UTP4: variants seen among roughly 807,000 people sequenced by gnomAD.
UTP4 encodes UTP4 small subunit processome component.
Under a neutral mutation model 82.4 loss-of-function variants are expected in UTP4, and 45 were observed. The observed-to-expected ratio is 0.55, with a 90% CI of 0.43 to 0.70. The LOEUF (loss-of-function observed/expected upper bound fraction) is 0.70, where lower values mean the gene tolerates loss of function less well. Ranked by LOEUF, UTP4 falls within the 30% of genes least tolerant of loss-of-function variation. The pLI is 0.00. For missense variants in UTP4, 819 were observed against 858.3 expected, an observed-to-expected ratio of 0.95 and a Z score of 0.57; for synonymous variants, 348 against 300.3, an observed-to-expected ratio of 1.16 and a Z score of -1.64.
chr16:69,140,370 T>G lies in UTP4; in HGVS notation c.526+456T>G, dbSNP rs1041379098. ...TCATAGAATCCTTCATTGATAGGGT[T>G]GATCTCAACTTGTTAGGTGGACATG... On this transcript the variant is annotated intron_variant, in intron 5 of 16. Coordinates refer to ENST00000314423, the MANE Select transcript of UTP4 (RefSeq NM_032830.3). 4.7e-4 allele frequency among the ~76,000 whole-genome samples: 72 copies of G among 152,132 alleles called. 1 individual carries two copies. The highest frequency in any genetic ancestry group is 1.6e-3 in the African/African-American group (67 of 41,440).
chr16:69,164,983 C>G (rs1353693163), intron 14 of UTP4, among the ~76,000 whole-genome samples: 1 of 152,072 alleles, frequency 6.6e-6, no homozygotes, highest in Non-Finnish European at 1.5e-5. Flanking sequence ...ATCACGAGGT[C>G]AGGAGATCAA....
intron 6 of UTP4, among the ~76,000 whole-genome samples, chr16:69,143,647 TTTGA>T (rs1963028812): frequency 6.6e-6 from 1 of 152,190 alleles, no homozygotes. Context: ...GTTCGTCTTG[TTTGA>T]TTGTAGATAG....
At chr16:69,156,933 A>G in intron 11 of UTP4, 151 bp from the exon 12 acceptor site, 2 of 745,608 alleles carry the variant, frequency 2.7e-6, no homozygotes, top group Non-Finnish European at 4.8e-6. Flanking sequence ...GGATGTATAG[A>G]TTACTGGAGA....
chr16:69,140,517 A>G (rs1962930462), intron 5 of UTP4, among the ~76,000 whole-genome samples: 1 of 152,144 alleles, frequency 6.6e-6, no homozygotes, highest in Non-Finnish European at 1.5e-5. Flanking sequence ...GGAGTTCAAG[A>G]CCAGCCTGAC....
rs1963774213 is a variant in UTP4, at chr16:69,169,003, TAAAAC to T, written c.*69_*73del. 1 of 962,622 alleles carries T rather than the reference TAAAAC, an allele frequency of 1.0e-6. No homozygotes were observed. Among genetic ancestry groups the T allele is most frequent in the Non-Finnish European group, 1.7e-6 (1 of 584,566 alleles). The allele number at this position is 962,622 out of a possible 1,614,324, so 59.6% of individuals were successfully genotyped here. On this transcript the variant is annotated 3_prime_UTR_variant, in exon 17 of 17. Coordinates refer to ENST00000314423, the MANE Select transcript of UTP4 (RefSeq NM_032830.3). ...TGTTGCTTTTCACAAATCATGGTAA[TAAAAC>T]AAGTTATTCTTGAGGACTAGTCATT...
At chr16:69,135,537 A>T (rs1212486987) in intron 2 of UTP4, among the ~76,000 whole-genome samples, 1 of 152,014 alleles carries the variant, frequency 6.6e-6, no homozygotes, top group Non-Finnish European at 1.5e-5. Flanking sequence ...ACATAGTGAG[A>T]CCCCATCCCT....
chr16:69,154,500 C>G, intron 10 of UTP4, 43 bp downstream of exon 10: 1 of 1,363,910 alleles, frequency 7.3e-7, no homozygotes, highest in Non-Finnish European at 1.0e-6. Flanking sequence ...AGCCTGAATT[C>G]TAGGCTCATA....
chr16:69,159,507 G>A (rs1168222939), intron 12 of UTP4, among the ~76,000 whole-genome samples: 1 of 152,088 alleles, frequency 6.6e-6, no homozygotes, highest in Non-Finnish European at 1.5e-5. Context: ...GACCAAAATG[G>A]TGAAACCCCA....
chr16:69,162,316 G>A (rs1399784356), intron 13 of UTP4, among the ~76,000 whole-genome samples: 6 of 151,132 alleles, frequency 4.0e-5, no homozygotes, highest in African/African-American at 7.3e-5. Context: ...GGTGGCTTAC[G>A]CCTGTAATCC....
intron 5 of UTP4, among the ~76,000 whole-genome samples, chr16:69,141,405 C>T (rs917435311): frequency 1.3e-5 from 2 of 152,200 alleles, no homozygotes; most frequent in Non-Finnish European, 2.9e-5. Flanking sequence ...GCCCTGGCTC[C>T]GCTGTCTTCC....
Position 69,168,956 on chromosome 16 carries a change from T to A in UTP4, c.*19T>A. 6.3e-6 allele frequency: 9 copies of A among 1,436,576 alleles called. No homozygotes were observed. Among genetic ancestry groups the A allele is most frequent in the East Asian group, 2.3e-5 (1 of 44,042 alleles). The allele number at this position is 1,436,576 out of a possible 1,614,324, so 89.0% of individuals were successfully genotyped here. On this transcript the variant is annotated 3_prime_UTR_variant, in exon 17 of 17. Coordinates refer to ENST00000314423, the MANE Select transcript of UTP4 (RefSeq NM_032830.3). ...AACCTAAAACAGGGCACTGTCTGTG[T>A]CCTTCCTTGAACTGTCTACCCTGTT...
intron 14 of UTP4, 127 bp from the exon 15 acceptor site, chr16:69,165,214 G>T (rs535623803): frequency 3.9e-6 from 3 of 768,090 alleles, no homozygotes; most frequent in Admixed American, 2.6e-5. Context: ...AAAAAGTGTT[G>T]GGAGAGCATA....
rs766637431 is a variant in UTP4, at chr16:69,150,910, T to C, written c.1002+6T>C. ...GAAAAATCACCTTTCCCCACGTAAG[T>C]GTCCATTCCAAGCCCCTGCTAACCC... On this transcript the variant is annotated splice_donor_region_variant and intron_variant, in intron 8 of 16. Transcript: ENST00000314423. 22 of 1,607,874 alleles carry C rather than the reference T, an allele frequency of 1.4e-5. No homozygotes were observed. In the East Asian group the frequency reaches 4.2e-4, roughly 31 times the overall value.
At position 69,150,704 on chromosome 16, in the gene UTP4, T is replaced by C. The variant is rs1180502068; in HGVS notation, c.906T>C (p.Ser302=). The change falls in exon 7 of 17, where the codon TCT becomes TCC. Residue 302 remains serine, a synonymous_variant. Transcript: ENST00000314423. The stretch of plus-strand genomic sequence containing the variant: ...CCCACAGCCCAACAGCGCTGATATC[T>C]GGAGGTGGGTTCCCCCTCTGGTGAG... ...TVAHSPTALI[S]GGTDTHLVFR... is the part of the protein sequence containing the mutation. 1 of 1,614,228 alleles carries C rather than the reference T, an allele frequency of 6.2e-7. No individual in the cohort carries two copies. Among genetic ancestry groups the C allele is most frequent in the South Asian group, 1.1e-5 (1 of 91,088 alleles).
chr16:69,138,046 C>A (rs1597133392), intron 4 of UTP4, 161 bp downstream of exon 4: 2 of 644,154 alleles, frequency 3.1e-6, no homozygotes, highest in Admixed American at 2.5e-5. Context: ...CAGGCTTTAC[C>A]CATTGTATAG....
chr16:69,136,036 A>G (rs1212313661), intron 2 of UTP4, among the ~76,000 whole-genome samples: 1 of 152,244 alleles, frequency 6.6e-6, no homozygotes, highest in Non-Finnish European at 1.5e-5. Flanking sequence ...TCTCCAAAAA[A>G]CAAAAAAGTG....
chr16:69,133,384 T>C (rs1567598378), intron 1 of UTP4, 74 bp from the exon 2 acceptor site: 6 of 1,437,938 alleles, frequency 4.2e-6, no homozygotes, highest in South Asian at 2.3e-5. Context: ...AACAGTGATA[T>C]TAAGGAACTG....
intron 13 of UTP4, 27 bp downstream of exon 13, chr16:69,160,489 T>G: frequency 6.4e-7 from 1 of 1,550,390 alleles, no homozygotes; most frequent in South Asian, 1.1e-5. Flanking sequence ...ATGGCAGCAG[T>G]TTGAATCATT....
intron 14 of UTP4, among the ~76,000 whole-genome samples, 171 bp from the exon 15 acceptor site, chr16:69,165,169 TG>T (rs1467961154): frequency 1.3e-5 from 2 of 151,430 alleles, no homozygotes; most frequent in East Asian, 1.9e-4. Context: ...CACTCCAGCC[TG>T]TGTGGCAGAG....
Sources: allele counts gnomAD v4.1 joint callset (sites outside exome capture counted in the v4.1 genomes callset), GRCh38; gene constraint gnomAD v4.1.1; transcripts MANE v1.5; gene names NCBI Gene and HGNC (gene_info 2026-07-23, HGNC 2026-07-21).